The following FERMT1 variants were observed in gnomAD, a reference collection of about 807,000 sequenced individuals.
FERMT1 encodes fermitin family homolog 1.
FERMT1 carries 60 observed loss-of-function variants against 85.3 expected under a neutral mutation model. The observed-to-expected ratio is 0.70, with a 90% CI of 0.57 to 0.87. The LOEUF is 0.87. Among genes scored for constraint, FERMT1 ranks in the 40% least tolerant of loss-of-function variants. The pLI, the probability that FERMT1 is intolerant of heterozygous loss-of-function variation, is 0.00. For synonymous variants in FERMT1, 275 were observed against 301.1 expected (o/e 0.91, Z 0.90); for missense variants, 701 against 818.9 (o/e 0.86, Z 1.76).
intron 6 of FERMT1, among the ~76,000 whole-genome samples, chr20:6,101,686 T>C (rs918985340): frequency 1.4e-4 from 22 of 152,338 alleles, no homozygotes; most frequent in African/African-American, 3.8e-4. Context: ...GGACTCTTGC[T>C]CTGTTGCCCA....
Position 6,077,331 on chromosome 20 carries a change from C to T in FERMT1, c.1876G>A (p.Asp626Asn). 1 of 1,614,052 alleles carries T rather than the reference C, an allele frequency of 6.2e-7. No homozygotes were observed. Among genetic ancestry groups the T allele is most frequent in the South Asian group, 1.1e-5 (1 of 91,058 alleles). ...WETRQVVIEF[D>N]QNVFTAFTCL... ...GTGAAAGCAGTAAAGACGTTTTGGT[C>T]AAACTCGATGACCACCTGGAAGAGG... Residue 626 changes from aspartate (D) to asparagine (N), a missense_variant, in exon 15 of 15, where the codon GAC becomes AAC. Coordinates refer to ENST00000217289, the MANE Select transcript of FERMT1 (RefSeq NM_017671.5).
At chr20:6,091,149 C>A (rs1982347410) in intron 9 of FERMT1, among the ~76,000 whole-genome samples, 2 of 151,836 alleles carry the variant, frequency 1.3e-5, no homozygotes, top group African/African-American at 4.8e-5. Flanking sequence ...GGTGACAGAG[C>A]AAGACTTCGT....
chr20:6,118,620 G>T (rs577597909), intron 2 of FERMT1, among the ~76,000 whole-genome samples: 1 of 152,112 alleles, frequency 6.6e-6, no homozygotes, highest in Admixed American at 6.5e-5. Flanking sequence ...TAAATAGAAG[G>T]CAAAAGAAGC....
intron 3 of FERMT1, among the ~76,000 whole-genome samples, chr20:6,114,683 T>C (rs1983050021): frequency 6.6e-6 from 1 of 152,218 alleles, no homozygotes; most frequent in East Asian, 1.9e-4. Flanking sequence ...TCAACAGTTA[T>C]TGTATGCTAG....
At chr20:6,118,799 C>G (rs1983180342) in intron 2 of FERMT1, among the ~76,000 whole-genome samples, 1 of 150,178 alleles carries the variant, frequency 6.7e-6, no homozygotes, top group African/African-American at 2.4e-5. Context: ...TCACTAAGCT[C>G]TCAAGTATTA....
intron 6 of FERMT1, among the ~76,000 whole-genome samples, chr20:6,098,629 A>G (rs988340242): frequency 5.3e-5 from 8 of 152,042 alleles, no homozygotes; most frequent in Non-Finnish European, 1.2e-4. Flanking sequence ...GGGAAGGAAG[A>G]ATTCAACACT....
At chr20:6,083,675 T>C (rs909538277) in intron 13 of FERMT1, among the ~76,000 whole-genome samples, 308 of 50,562 alleles carry the variant, frequency 6.1e-3, no homozygotes, top group Middle Eastern at 0.011. Context: ...CCGGCCACCC[T>C]CCCCACACCC....
rs1397451033 is a variant in FERMT1 at position 6,116,011 on chromosome 20, CA to C, written c.184del (p.Trp62GlyfsTer10). ...ISQDWSDFAL[W>X]WEQKHCWLLK... Reference sequence around the variant, plus strand: ...AAGCCAGCAATGCTTCTGTTCCCACCAAAGAGCAAAGTCTGACCAGTCTTGG... The same window carrying C: ...AAGCCAGCAATGCTTCTGTTCCCACCAAGAGCAAAGTCTGACCAGTCTTGG... On this transcript the variant is annotated frameshift_variant, in exon 3 of 15. Coordinates refer to ENST00000217289, the MANE Select transcript of FERMT1 (RefSeq NM_017671.5). LOFTEE classifies it high-confidence loss of function. The C allele has an allele frequency of 6.2e-7, 1 of 1,614,032 alleles. No individual in the cohort carries two copies. The highest frequency in any genetic ancestry group is 8.5e-7 in the Non-Finnish European group (1 of 1,179,982).
intron 12 of FERMT1, 25 bp from the exon 13 acceptor site, chr20:6,084,189 C>G: frequency 6.2e-7 from 1 of 1,602,460 alleles, no homozygotes. Context: ...ACATCAACCT[C>G]TCTTCACATG....
chr20:6,076,512 A>G lies in FERMT1; in HGVS notation c.*661T>C. On this transcript the variant is annotated 3_prime_UTR_variant, in exon 15 of 15. Coordinates refer to ENST00000217289, the MANE Select transcript of FERMT1 (RefSeq NM_017671.5). ...CCCCAGAAATCTGAGGAGACCAATGACTAAGACCAGATGTGGGTCAGTGGT... is the reference window on the plus strand; with the variant it reads ...CCCCAGAAATCTGAGGAGACCAATGGCTAAGACCAGATGTGGGTCAGTGGT... The G allele has an allele frequency of 2.0e-6, 1 of 510,466 alleles. No homozygotes were observed. Among genetic ancestry groups the G allele is most frequent in the South Asian group, 1.4e-5 (1 of 69,370 alleles). The allele number at this position is 510,466 out of a possible 1,614,324, so 31.6% of individuals were successfully genotyped here.
At position 6,104,168 on chromosome 20, in the gene FERMT1, G is replaced by T. The variant is rs1237370889; in HGVS notation, c.849+3364C>A. Among the ~76,000 whole-genome samples the T allele has an allele frequency of 6.6e-6, 1 of 152,204 alleles. No homozygotes were observed. The highest frequency in any genetic ancestry group is 2.4e-5 in the African/African-American group (1 of 41,514). On this transcript the variant is annotated intron_variant, in intron 6 of 14. Coordinates refer to ENST00000217289, the MANE Select transcript of FERMT1 (RefSeq NM_017671.5). The surrounding 1 kb of genome is among the most constrained non-coding windows in gnomAD (Gnocchi z 4.2). ...TTACAGGCATGAGCCCCTGCGCCCG[G>T]CTGAGTCTATTATTTTTGAAATGTT...
intron 4 of FERMT1, among the ~76,000 whole-genome samples, chr20:6,112,230 C>T (rs746925381): frequency 6.6e-6 from 1 of 152,030 alleles, no homozygotes; most frequent in Non-Finnish European, 1.5e-5. Flanking sequence ...GTCAGTGGTA[C>T]TAAAATTTTG....
At chr20:6,083,098 A>C (rs1357314918) in intron 13 of FERMT1, among the ~76,000 whole-genome samples, 1 of 152,250 alleles carries the variant, frequency 6.6e-6, no homozygotes, top group Non-Finnish European at 1.5e-5. Flanking sequence ...AGAAAGTGAC[A>C]GTACTTGCTG....
intron 6 of FERMT1, among the ~76,000 whole-genome samples, chr20:6,101,675 T>C (rs1982661601): frequency 6.6e-6 from 1 of 152,224 alleles, no homozygotes; most frequent in African/African-American, 2.4e-5. Context: ...ATTTTTGAGA[T>C]GGACTCTTGC....
chr20:6,089,764 C>CTGTG (rs1439593049), intron 9 of FERMT1, among the ~76,000 whole-genome samples: 1 of 152,188 alleles, frequency 6.6e-6, no homozygotes, highest in African/African-American at 2.4e-5. Context: ...AGGTATCCAG[C>CTGTG]TGTGGTATTG....
rs558951165 is a variant in FERMT1 at position 6,089,200 on chromosome 20, T to C, written c.1140-111A>G. 11 of 1,095,740 alleles carry C rather than the reference T, an allele frequency of 1.0e-5. No homozygotes were observed. The South Asian group carries it at 1.2e-4, about 12-fold the overall frequency. 67.9% of individuals were successfully genotyped at this position (1,095,740 alleles called of 1,614,324 possible). ...TTTGTGTCAAAGAAAACACACTTTG[T>C]TTTTTCAAAAATAATTTCAAATTGC... is the stretch of plus-strand genomic sequence containing the variant. On this transcript the variant is annotated intron_variant, in intron 9 of 14. Coordinates refer to ENST00000217289, the MANE Select transcript of FERMT1 (RefSeq NM_017671.5).
intron 6 of FERMT1, among the ~76,000 whole-genome samples, chr20:6,102,679 GAAAAAAAA>G (rs769578429): frequency 3.9e-5 from 2 of 50,764 alleles, no homozygotes; most frequent in African/African-American, 6.8e-5. Context: ...TGTGTCTCAA[GAAAAAAAA>G]AAAAAAAAAA....
chr20:6,091,203 T>C (rs564578868), intron 9 of FERMT1, among the ~76,000 whole-genome samples: 1 of 151,970 alleles, frequency 6.6e-6, no homozygotes, highest in South Asian at 2.1e-4. Context: ...ATTTATCATG[T>C]TGAGGGCTGT....
intron 11 of FERMT1, 125 bp downstream of exon 11, chr20:6,087,652 A>C: frequency 1.4e-6 from 1 of 732,290 alleles, no homozygotes; most frequent in Non-Finnish European, 2.5e-6. Flanking sequence ...TTACACTGTG[A>C]TTGTTTGTTA....
Sources: gnomAD v4.1 joint callset for allele counts (sites outside exome capture counted in the v4.1 genomes callset) on GRCh38, gnomAD v4.1.1 for gene constraint, Gnocchi (gnomAD v3.1) non-coding constraint, MANE v1.5 for transcripts, NCBI Gene and HGNC (gene_info 2026-07-23, HGNC 2026-07-21) for gene names.